The following CSMD1 variants were observed in gnomAD, a reference collection of about 807,000 sequenced individuals.
The protein encoded by CSMD1 is CUB and Sushi multiple domains 1.
A neutral mutation model predicts 417.5 loss-of-function variants in CSMD1; 213 were observed. The observed-to-expected ratio is 0.51, with a 90% confidence interval of 0.46 to 0.57. The LOEUF is 0.57. Among genes scored for constraint, CSMD1 ranks in the 20% least tolerant of loss-of-function variants. The pLI, the probability that CSMD1 is intolerant of heterozygous loss-of-function variation, is 0.00. For synonymous variants in CSMD1, 2,862 were observed against 1,736.8 expected (o/e 1.65, Z -16.11); for missense variants, 6,923 against 4,529.7 (o/e 1.53, Z -15.17).
At chr8:4,567,141 C>G (rs1441726592) in intron 2 of CSMD1, among the ~76,000 whole-genome samples, 1 of 152,172 alleles carries the variant, frequency 6.6e-6, no homozygotes, top group African/African-American at 2.4e-5. Context: ...CAGCCCTACT[C>G]AGAGTATTCC....
At chr8:3,264,854 C>CTGTGTGTGGG (rs1209489242) in intron 26 of CSMD1, among the ~76,000 whole-genome samples, 1 of 133,706 alleles carries the variant, frequency 7.5e-6, no homozygotes, top group Non-Finnish European at 1.6e-5. Context: ...TGTGGGTGGG[C>CTGTGTGTGGG]TGTGTGTGGG....
chr8:3,821,679 G>C (rs1194647758), intron 5 of CSMD1, among the ~76,000 whole-genome samples: 2 of 152,174 alleles, frequency 1.3e-5, no homozygotes, highest in African/African-American at 2.4e-5. Flanking sequence ...CTACTCAGGA[G>C]GCTGAGGCAA....
chr8:4,005,030 C>T (rs572851965), intron 4 of CSMD1, among the ~76,000 whole-genome samples: 1 of 152,280 alleles, frequency 6.6e-6, no homozygotes, highest in South Asian at 2.1e-4. Context: ...AAGTGAAGTA[C>T]TGAGGAATGG....
At chr8:4,648,268 T>C (rs984412521) in intron 1 of CSMD1, among the ~76,000 whole-genome samples, 6 of 152,208 alleles carry the variant, frequency 3.9e-5, no homozygotes, top group African/African-American at 1.4e-4. Context: ...GGGTTGTTTT[T>C]TCTTGCTAAT....
At chr8:3,238,470 A>G (rs1346593912) in intron 26 of CSMD1, among the ~76,000 whole-genome samples, 3 of 152,014 alleles carry the variant, frequency 2.0e-5, no homozygotes, top group African/African-American at 7.3e-5. Context: ...GGGACGGCAA[A>G]AATTTTTGGG....
At chr8:3,219,200 T>A (rs564244752) in intron 29 of CSMD1, 55 bp downstream of exon 29, 8 of 1,427,734 alleles carry the variant, frequency 5.6e-6, no homozygotes, top group East Asian at 2.5e-5. Context: ...ATGCCTACAA[T>A]AAAAACAGTC....
chr8:3,604,280 G>A (rs147444962), intron 8 of CSMD1, among the ~76,000 whole-genome samples: 1 of 152,090 alleles, frequency 6.6e-6, no homozygotes, highest in Non-Finnish European at 1.5e-5. Context: ...AAAGTCAAAG[G>A]CCAGAGGGAG....
intron 1 of CSMD1, among the ~76,000 whole-genome samples, chr8:4,942,283 A>G (rs1808056024): frequency 6.6e-6 from 1 of 152,038 alleles, no homozygotes; most frequent in Non-Finnish European, 1.5e-5. Flanking sequence ...TGATAAAACT[A>G]TGATTCAAAA....
intron 1 of CSMD1, among the ~76,000 whole-genome samples, chr8:4,681,347 A>G (rs1442563467): frequency 6.6e-6 from 1 of 152,152 alleles, no homozygotes; most frequent in Non-Finnish European, 1.5e-5. Context: ...TGTTGAAACC[A>G]CCAATATGGT....
intron 25 of CSMD1, among the ~76,000 whole-genome samples, chr8:3,292,157 T>A (rs558076988): frequency 1.1e-4 from 16 of 152,360 alleles, no homozygotes; most frequent in African/African-American, 3.8e-4. Flanking sequence ...TTCTTTATCT[T>A]GAGTTCTAGT....
At chr8:3,550,956 C>T (rs1355345597) in intron 10 of CSMD1, among the ~76,000 whole-genome samples, 1 of 152,032 alleles carries the variant, frequency 6.6e-6, no homozygotes, top group Non-Finnish European at 1.5e-5. Flanking sequence ...AGATGACAAA[C>T]CACTACTCAA....
intron 3 of CSMD1, among the ~76,000 whole-genome samples, chr8:4,346,395 G>C (rs1442141114): frequency 1.3e-5 from 2 of 152,128 alleles, no homozygotes; most frequent in African/African-American, 4.8e-5. Context: ...CCACAGCCGA[G>C]TTGAACAGTT....
At chr8:4,750,829 T>A (rs899476592) in intron 1 of CSMD1, among the ~76,000 whole-genome samples, 2 of 151,942 alleles carry the variant, frequency 1.3e-5, no homozygotes, top group Non-Finnish European at 2.9e-5. Flanking sequence ...GTATCAAGGG[T>A]CTACTGATAG....
intron 1 of CSMD1, among the ~76,000 whole-genome samples, chr8:4,796,042 G>C (rs970149105): frequency 6.6e-6 from 1 of 152,160 alleles, no homozygotes; most frequent in Non-Finnish European, 1.5e-5. Flanking sequence ...TATTTAAAAT[G>C]TAACACTCAC....
At chr8:4,047,445 G>A (rs987314650) in intron 3 of CSMD1, among the ~76,000 whole-genome samples, 1 of 152,134 alleles carries the variant, frequency 6.6e-6, no homozygotes. Context: ...TTTTCCCAGG[G>A]AATTCTTAAG....
intron 25 of CSMD1, among the ~76,000 whole-genome samples, chr8:3,286,420 T>G (rs1803162685): frequency 6.6e-6 from 1 of 152,168 alleles, no homozygotes; most frequent in Non-Finnish European, 1.5e-5. Flanking sequence ...CCACAATGGT[T>G]GAACTAGTTT....
chr8:4,563,286 A>G (rs770975800), intron 2 of CSMD1, among the ~76,000 whole-genome samples: 14 of 152,168 alleles, frequency 9.2e-5, no homozygotes, highest in Non-Finnish European at 2.1e-4. Flanking sequence ...CTGTAGTCCC[A>G]GCTACTTGGG....
At chr8:4,289,186 G>A (rs546673884) in intron 3 of CSMD1, among the ~76,000 whole-genome samples, 8 of 152,104 alleles carry the variant, frequency 5.3e-5, no homozygotes, top group South Asian at 2.1e-4. Context: ...ACAGTTTATC[G>A]GACAAATACT....
intron 54 of CSMD1, among the ~76,000 whole-genome samples, chr8:2,991,718 T>A (rs978101862): frequency 1.3e-5 from 2 of 152,182 alleles, no homozygotes; most frequent in Non-Finnish European, 2.9e-5. Flanking sequence ...GTGAAAGTAA[T>A]AGATGTTCAG....
Sources: gnomAD v4.1 joint callset for allele counts (sites outside exome capture counted in the v4.1 genomes callset) on GRCh38, gnomAD v4.1.1 for gene constraint, MANE v1.5 for transcripts, NCBI Gene and HGNC (gene_info 2026-07-23, HGNC 2026-07-21) for gene names.